The following HDAC4 variants were observed in gnomAD, a reference collection of about 807,000 sequenced individuals.
HDAC4 encodes histone deacetylase A.
A neutral mutation model predicts 135.1 loss-of-function variants in HDAC4; 16 were observed. The observed-to-expected ratio is 0.12, with a 90% CI of 0.08 to 0.18. The LOEUF (loss-of-function observed/expected upper bound fraction) is 0.18, where lower values mean the gene tolerates loss of function less well. Ranked by LOEUF, HDAC4 falls within the 10% of genes least tolerant of loss-of-function variation. The pLI is 1.00. For synonymous variants in HDAC4, 685 were observed against 653.4 expected (o/e 1.05, Z -0.74); for missense variants, 1,143 against 1,511.8 (o/e 0.76, Z 4.05).
rs2049552495 is a variant in HDAC4, at chr2:239,264,033, A to G, written c.23-27369T>C. Among the ~76,000 whole-genome samples the G allele has an allele frequency of 4.7e-5, 7 of 150,402 alleles. 1 individual carries two copies. Among genetic ancestry groups the G allele is most frequent in the Admixed American group, 4.6e-4 (7 of 15,124 alleles). On this transcript the variant is annotated intron_variant, in intron 2 of 26. Coordinates refer to ENST00000543185, the MANE Select transcript of HDAC4 (RefSeq NM_001378414.1). ...ACCTTTGGGGTGGGGGCCATCCTCG[A>G]GCGGGGGCTCAATGACTGAAAACAA...
chr2:239,134,910 A>G (rs1370867018), intron 9 of HDAC4, among the ~76,000 whole-genome samples: 1 of 152,204 alleles, frequency 6.6e-6, no homozygotes, highest in East Asian at 1.9e-4. Context: ...ATTTCTATTC[A>G]GTTTGATTAT....
At chr2:239,061,946 A>C (rs1261830960) in intron 24 of HDAC4, among the ~76,000 whole-genome samples, 1 of 152,226 alleles carries the variant, frequency 6.6e-6, no homozygotes, top group Non-Finnish European at 1.5e-5. Context: ...GGTCTCAGAC[A>C]GGAGAGACGG....
intron 2 of HDAC4, among the ~76,000 whole-genome samples, chr2:239,254,263 C>T (rs1156608673): frequency 6.6e-6 from 1 of 152,072 alleles, no homozygotes; most frequent in Non-Finnish European, 1.5e-5. Context: ...GGAGGAAAGT[C>T]CCCTGCTGAA....
At chr2:239,359,532 C>A (rs1693730373) in intron 1 of HDAC4, among the ~76,000 whole-genome samples, 1 of 152,194 alleles carries the variant, frequency 6.6e-6, no homozygotes, top group South Asian at 2.1e-4. Flanking sequence ...CTAGGATAGG[C>A]CGAGATGACA....
Position 239,176,517 on chromosome 2 carries a change from T to G in HDAC4, c.386A>C (p.Glu129Ala), listed in dbSNP as rs2043784521. 3.7e-6 allele frequency: 6 copies of G among 1,613,340 alleles called. No individual in the cohort carries two copies. Among genetic ancestry groups the G allele is most frequent in the Admixed American group, 1.7e-5 (1 of 59,986 alleles). The change falls in exon 5 of 27, where the codon GAA (glutamate) becomes GCA (alanine). Residue 129 changes from glutamate (E) to alanine (A), a missense_variant. This residue lies in a region of HDAC4 where 247 missense variants were observed against 310.0 expected (regional missense o/e 0.80). Coordinates refer to ENST00000543185, the MANE Select transcript of HDAC4 (RefSeq NM_001378414.1). Reference sequence around the variant, plus strand: ...GTGCCTCTCCAGCTTCCGCTGGTGTTCCAGCAGCTCCTGCTGGTGCTTCAT... The same window carrying G: ...GTGCCTCTCCAGCTTCCGCTGGTGTGCCAGCAGCTCCTGCTGGTGCTTCAT... Reference protein sequence around the residue: ...LAMKHQQELLEHQRKLERHRQ... With the variant: ...LAMKHQQELLAHQRKLERHRQ...
At chr2:239,347,227 A>G (rs1293648425) in intron 2 of HDAC4, among the ~76,000 whole-genome samples, 1 of 152,208 alleles carries the variant, frequency 6.6e-6, no homozygotes, top group African/African-American at 2.4e-5. Flanking sequence ...TGGCGGCCAC[A>G]ATAGTTAAAA....
chr2:239,253,045 A>C (rs1345379216), intron 2 of HDAC4, among the ~76,000 whole-genome samples: 1 of 152,218 alleles, frequency 6.6e-6, no homozygotes, highest in Non-Finnish European at 1.5e-5. Context: ...GCAGAGGCAC[A>C]ACACACATTC....
At chr2:239,130,313 C>CT (rs1178071233) in intron 11 of HDAC4, among the ~76,000 whole-genome samples, 4 of 152,172 alleles carry the variant, frequency 2.6e-5, no homozygotes, top group African/African-American at 9.7e-5. Context: ...TGCTCAAGCC[C>CT]TTCCTGGGAC....
chr2:239,118,868 T>C (rs901057756), intron 12 of HDAC4, among the ~76,000 whole-genome samples: 11 of 152,188 alleles, frequency 7.2e-5, no homozygotes, highest in African/African-American at 2.4e-4. Flanking sequence ...CTTGATGATT[T>C]TGAGGTCTGT....
chr2:239,144,634 T>C lies in HDAC4; in HGVS notation c.814A>G (p.Lys272Glu), dbSNP rs1276576314. The stretch of plus-strand genomic sequence containing the variant: ...AGAGCAGTGACCACTGGCCCGTCTT[T>C]CCTGCGTAACAGGGGGCTGCTCCGT... ...ERRSSPLLRRKDGPVVTALKK... is the reference protein window; with the variant it reads ...ERRSSPLLRREDGPVVTALKK... The change falls in exon 8 of 27, where the codon AAA (lysine) becomes GAA (glutamate). Residue 272 changes from lysine to glutamate, a missense_variant. By Grantham distance (56) the Lys-to-Glu change is moderately conservative. This residue lies in a region of HDAC4 where 272 missense variants were observed against 309.7 expected (regional missense o/e 0.88). Coordinates refer to ENST00000543185, the MANE Select transcript of HDAC4 (RefSeq NM_001378414.1). 6.2e-7 allele frequency: 1 copy of C among 1,614,230 alleles called. No individual in the cohort carries two copies. The highest frequency in any genetic ancestry group is 2.2e-5 in the East Asian group (1 of 44,886).
intron 3 of HDAC4, among the ~76,000 whole-genome samples, chr2:239,212,083 G>A (rs1396579857): frequency 6.6e-6 from 1 of 152,212 alleles, no homozygotes; most frequent in East Asian, 1.9e-4. Flanking sequence ...GGAAGGTTGG[G>A]AAAACGATGT....
intron 3 of HDAC4, among the ~76,000 whole-genome samples, chr2:239,208,646 G>A (rs2046198654): frequency 6.6e-6 from 1 of 152,122 alleles, no homozygotes; most frequent in Non-Finnish European, 1.5e-5. Context: ...CAGATACTGA[G>A]CTCCTCCCAC....
At chr2:239,149,359 C>T (rs572340790) in intron 7 of HDAC4, among the ~76,000 whole-genome samples, 97 of 148,938 alleles carry the variant, frequency 6.5e-4, no homozygotes, top group Admixed American at 1.6e-3. Context: ...GGCGACAGAG[C>T]GACGTTCCGT....
intron 1 of HDAC4, among the ~76,000 whole-genome samples, chr2:239,382,545 C>A (rs1050782178): frequency 2.0e-5 from 3 of 152,208 alleles, no homozygotes; most frequent in African/African-American, 4.8e-5. Context: ...AGATGGGCCA[C>A]GTCTCAGAGA....
chr2:239,200,326 C>T (rs1184034152), intron 3 of HDAC4, among the ~76,000 whole-genome samples: 7 of 152,110 alleles, frequency 4.6e-5, no homozygotes, highest in African/African-American at 1.7e-4. Context: ...TGTCATTTTC[C>T]CCCAGTGTTC....
chr2:239,088,366 C>T (rs2036185351), intron 18 of HDAC4, among the ~76,000 whole-genome samples: 2 of 152,202 alleles, frequency 1.3e-5, no homozygotes, highest in South Asian at 4.1e-4. Context: ...AGCCGGACGC[C>T]GCAGGGACCA....
At chr2:239,378,703 T>G (rs1027800390) in intron 1 of HDAC4, among the ~76,000 whole-genome samples, 2 of 151,700 alleles carry the variant, frequency 1.3e-5, no homozygotes, top group Admixed American at 6.6e-5. Context: ...CGGGAACCAA[T>G]AACCCCGGGA....
rs1345361901 is a variant in HDAC4, at chr2:239,331,609, G to C, written c.22+21069C>G. Among the ~76,000 whole-genome samples the C allele has an allele frequency of 6.6e-6, 1 of 152,134 alleles. No homozygotes were observed. The highest frequency in any genetic ancestry group is 2.4e-5 in the African/African-American group (1 of 41,446). ...GGAAGCACACACGGGCCAGGTGAGC[G>C]AACTGCAATGACACGTCGCCAGGGC... On this transcript the variant is annotated intron_variant, in intron 2 of 26. Coordinates refer to ENST00000543185, the MANE Select transcript of HDAC4 (RefSeq NM_001378414.1). The surrounding 1 kb of genome is among the most constrained non-coding windows in gnomAD (Gnocchi z 4.5).
rs576237582 is a variant in HDAC4 at position 239,247,863 on chromosome 2, T to C, written c.23-11199A>G. Reference sequence around the variant, plus strand: ...GGAGAACGGAGGGCGCTGACCACAGTGGACCACACCCTCTCCTCCTCTCAC... The same window carrying C: ...GGAGAACGGAGGGCGCTGACCACAGCGGACCACACCCTCTCCTCCTCTCAC... On this transcript the variant is annotated intron_variant, in intron 2 of 26. Transcript: ENST00000543185. Among the ~76,000 whole-genome samples the C allele has an allele frequency of 4.6e-5, 7 of 152,198 alleles. No individual in the cohort carries two copies. In the East Asian group the frequency reaches 1.4e-3, roughly 29 times the overall value.
Sources: gnomAD v4.1 joint callset for allele counts (sites outside exome capture counted in the v4.1 genomes callset) on GRCh38, gnomAD v4.1.1 for gene constraint, gnomAD v4.1.1 regional missense constraint, Gnocchi (gnomAD v3.1) non-coding constraint, MANE v1.5 for transcripts, NCBI Gene and HGNC (gene_info 2026-07-23, HGNC 2026-07-21) for gene names.